The following SCHIP1 variants were observed in gnomAD, a reference collection of about 807,000 sequenced individuals.
SCHIP1 encodes schwannomin-interacting protein 1.
Under a neutral mutation model 29.7 loss-of-function variants are expected in SCHIP1, and 8 were observed. That is an observed-to-expected ratio of 0.27 (90% CI 0.16 to 0.49). SCHIP1 has a LOEUF of 0.49. Ranked by LOEUF, SCHIP1 falls within the 20% of genes least tolerant of loss-of-function variation. The pLI is 0.99. For missense variants in SCHIP1, 193 were observed against 294.6 expected (o/e 0.66, Z 2.52); for synonymous variants, 76 against 94.9 (o/e 0.80, Z 1.16).
chr3:159,282,931 T>C, the SCHIP1 span, among the ~76,000 whole-genome samples: 1 of 151,840 alleles, frequency 6.6e-6, no homozygotes, highest in Non-Finnish European at 1.5e-5. Flanking sequence ...GTCAGACTCA[T>C]TCCAGATAAA....
the SCHIP1 span, among the ~76,000 whole-genome samples, chr3:159,782,682 C>T: frequency 6.6e-6 from 1 of 152,186 alleles, no homozygotes; most frequent in East Asian, 1.9e-4. Context: ...TATATATTGG[C>T]TGGAAGTGAT....
the SCHIP1 span, among the ~76,000 whole-genome samples, chr3:159,794,445 T>C: frequency 1.1e-3 from 163 of 152,306 alleles, no homozygotes; most frequent in Middle Eastern, 3.4e-3. Flanking sequence ...CTCCCTCAGG[T>C]AGAGAACTTT....
chr3:159,520,089 C>T, the SCHIP1 span, among the ~76,000 whole-genome samples: 3 of 136,646 alleles, frequency 2.2e-5, no homozygotes, highest in Admixed American at 1.5e-4. Context: ...CAATCTCCCT[C>T]ATCAAATAAA....
At chr3:159,333,464 G>C in the SCHIP1 span, among the ~76,000 whole-genome samples, 1 of 152,136 alleles carries the variant, frequency 6.6e-6, no homozygotes, top group East Asian at 1.9e-4. Flanking sequence ...CTGTCATGCT[G>C]ACATTAATCA....
At chr3:159,841,483 A>G (rs1288263418) in intron 1 of SCHIP1, among the ~76,000 whole-genome samples, 3 of 151,246 alleles carry the variant, frequency 2.0e-5, no homozygotes, top group African/African-American at 4.9e-5. Flanking sequence ...GGGGATGTCA[A>G]GTATCCATAG....
At chr3:159,892,343 A>T in intron 6 of SCHIP1, 153 bp downstream of exon 7, 1 of 815,500 alleles carries the variant, frequency 1.2e-6, no homozygotes, top group South Asian at 1.7e-5. Context: ...GATGGAGGGG[A>T]AGCAGAATTC....
At chr3:159,887,818 A>G in exon 4 of SCHIP1, 6 of 1,614,060 alleles carry the variant, frequency 3.7e-6, no homozygotes, top group Non-Finnish European at 5.1e-6. Context: ...CTGAAGCCAA[A>G]ATGGCCCTTG....
the SCHIP1 span, among the ~76,000 whole-genome samples, chr3:159,671,612 G>C: frequency 6.6e-6 from 1 of 152,108 alleles, no homozygotes; most frequent in African/African-American, 2.4e-5. Context: ...CAAGTTATTA[G>C]ATCAGCTTCT....
chr3:159,413,309 T>G, the SCHIP1 span, among the ~76,000 whole-genome samples: 79 of 152,356 alleles, frequency 5.2e-4, no homozygotes, highest in African/African-American at 1.9e-3. Flanking sequence ...GCTGCAGGGC[T>G]AAGCAGAGCT....
At chr3:159,504,175 C>T in the SCHIP1 span, among the ~76,000 whole-genome samples, 1 of 152,234 alleles carries the variant, frequency 6.6e-6, no homozygotes, top group East Asian at 1.9e-4. Context: ...CAAACACAGG[C>T]AGTGAAAAGA....
the SCHIP1 span, chr3:159,274,498 A>G: frequency 1.4e-6 from 1 of 721,708 alleles, no homozygotes; most frequent in African/African-American, 1.9e-5. Flanking sequence ...TAGTACTTTT[A>G]GCATTATTGA....
the SCHIP1 span, among the ~76,000 whole-genome samples, chr3:159,775,666 C>T: frequency 1.3e-5 from 2 of 152,220 alleles, no homozygotes; most frequent in African/African-American, 4.8e-5. Context: ...GAGATGAGGG[C>T]AGGCACTCCC....
At chr3:159,393,905 A>T in the SCHIP1 span, among the ~76,000 whole-genome samples, 1 of 152,150 alleles carries the variant, frequency 6.6e-6, no homozygotes, top group Non-Finnish European at 1.5e-5. Context: ...TACCTTGGGC[A>T]GTATGGCCAT....
chr3:159,852,292 G>C (rs188094968), intron 1 of SCHIP1, among the ~76,000 whole-genome samples: 1 of 152,322 alleles, frequency 6.6e-6, no homozygotes, highest in Admixed American at 6.5e-5. Flanking sequence ...GCTTGTCAGA[G>C]TGTAAGATGG....
At chr3:159,599,297 G>A in the SCHIP1 span, among the ~76,000 whole-genome samples, 4 of 152,104 alleles carry the variant, frequency 2.6e-5, no homozygotes, top group Admixed American at 2.6e-4. Flanking sequence ...GGGAACAAGT[G>A]GTTTGGTTAC....
At chr3:159,505,451 T>C in the SCHIP1 span, among the ~76,000 whole-genome samples, 2 of 152,144 alleles carry the variant, frequency 1.3e-5, no homozygotes, top group East Asian at 1.9e-4. Context: ...AAACTTATTG[T>C]TGAGCCATTA....
the SCHIP1 span, among the ~76,000 whole-genome samples, chr3:159,346,747 G>A: frequency 1.3e-5 from 2 of 152,134 alleles, no homozygotes; most frequent in African/African-American, 4.8e-5. Context: ...GCATTTGTGG[G>A]TGTGTCTTAC....
the SCHIP1 span, among the ~76,000 whole-genome samples, chr3:159,558,643 G>C: frequency 6.7e-4 from 102 of 152,344 alleles, 1 homozygote; most frequent in South Asian, 8.1e-3. Flanking sequence ...GAGCCCAGAA[G>C]TTAATCTGGA....
chr3:159,432,196 C>A, the SCHIP1 span, among the ~76,000 whole-genome samples: 1 of 151,628 alleles, frequency 6.6e-6, no homozygotes, highest in African/African-American at 2.4e-5. Context: ...TGGTTGTTGG[C>A]GGGAGGCCTT....
Sources: gnomAD v4.1 joint callset for allele counts (sites outside exome capture counted in the v4.1 genomes callset) on GRCh38, gnomAD v4.1.1 for gene constraint, MANE v1.5 for transcripts, NCBI Gene and HGNC (gene_info 2026-07-23, HGNC 2026-07-21) for gene names.